Variants in OTULIN observed in about 807,000 individuals in gnomAD.
OTULIN encodes the protein ubiquitin thioesterase otulin.
Under a neutral mutation model 39.6 loss-of-function variants are expected in OTULIN, and 15 were observed. That is an observed-to-expected ratio of 0.38 (90% CI 0.25 to 0.58). The LOEUF (loss-of-function observed/expected upper bound fraction) is 0.58, where lower values mean the gene tolerates loss of function less well. Ranked by LOEUF, OTULIN falls within the 20% of genes least tolerant of loss-of-function variation. The pLI is 0.66. For synonymous variants in OTULIN, 156 were observed against 170.3 expected, an observed-to-expected ratio of 0.92 and a Z score of 0.65; for missense variants, 319 against 445.9, an observed-to-expected ratio of 0.72 and a Z score of 2.56.
intron 1 of OTULIN, among the ~76,000 whole-genome samples, chr5:14,665,931 G>C (rs1180674794): frequency 6.6e-6 from 1 of 152,186 alleles, no homozygotes; most frequent in Non-Finnish European, 1.5e-5. Context: ...ATGGCCACTG[G>C]AAAATAAGAT....
intron 3 of OTULIN, among the ~76,000 whole-genome samples, chr5:14,680,096 T>G (rs545904744): frequency 2.6e-5 from 4 of 152,234 alleles, no homozygotes; most frequent in Non-Finnish European, 4.4e-5. Context: ...TTTAATTTTA[T>G]TCTGAAATAG....
intron 5 of OTULIN, 66 bp downstream of exon 5, chr5:14,687,712 C>A: frequency 6.7e-7 from 1 of 1,493,660 alleles, no homozygotes. Flanking sequence ...CCCAGAAGAC[C>A]AGTTTTTAGT....
At chr5:14,701,719 T>G (rs1736799468), downstream of OTULIN, among the ~76,000 whole-genome samples, 1 of 152,004 alleles carries the variant, frequency 6.6e-6, no homozygotes, top group Non-Finnish European at 1.5e-5. Context: ...GGAGTCCCCG[T>G]TTGGTGTGGC....
intron 3 of OTULIN, among the ~76,000 whole-genome samples, chr5:14,680,698 C>T (rs1736223991): frequency 6.6e-6 from 1 of 152,142 alleles, no homozygotes; most frequent in Admixed American, 6.5e-5. Flanking sequence ...TTTGAGTGCC[C>T]AAGCATGTCA....
At chr5:14,668,189 A>AT (rs1454334082) in intron 1 of OTULIN, among the ~76,000 whole-genome samples, 1 of 152,064 alleles carries the variant, frequency 6.6e-6, no homozygotes, top group Non-Finnish European at 1.5e-5. Context: ...TTGTGGATGT[A>AT]TTTTCTGCCC....
At chr5:14,677,086 C>T (rs773738425) in intron 2 of OTULIN, among the ~76,000 whole-genome samples, 4 of 152,106 alleles carry the variant, frequency 2.6e-5, no homozygotes, top group Admixed American at 6.5e-5. Flanking sequence ...AAAGAATTCA[C>T]AGTGAGATTA....
intron 2 of OTULIN, 106 bp from the exon 3 acceptor site, chr5:14,678,575 C>A (rs189038217): frequency 5.1e-6 from 4 of 784,160 alleles, no homozygotes; most frequent in Non-Finnish European, 7.9e-6. Context: ...GATTTTTTGA[C>A]GTGAAGAAAG....
the OTULIN span, among the ~76,000 whole-genome samples, chr5:14,713,337 G>C: frequency 2.0e-5 from 3 of 152,204 alleles, no homozygotes; most frequent in Non-Finnish European, 1.5e-5. The surrounding 1 kb of genome is among the most constrained non-coding windows in gnomAD (Gnocchi z 4.4). Context: ...GCTATTATTC[G>C]TGTCTGGGCC....
At chr5:14,704,506 G>C (rs1276293591), downstream of OTULIN, among the ~76,000 whole-genome samples, 1 of 152,140 alleles carries the variant, frequency 6.6e-6, no homozygotes, top group African/African-American at 2.4e-5. Context: ...GTATAGAGAA[G>C]TTGGAGAGGG....
intron 4 of OTULIN, among the ~76,000 whole-genome samples, chr5:14,684,025 G>A (rs1736323902): frequency 6.6e-6 from 1 of 152,160 alleles, no homozygotes; most frequent in Non-Finnish European, 1.5e-5. Flanking sequence ...CTTAATTTGA[G>A]TAATGTGAAA....
At chr5:14,687,494 T>A (rs772054770) in intron 4 of OTULIN, 27 bp from the exon 5 acceptor site, 1 of 1,606,330 alleles carries the variant, frequency 6.2e-7, no homozygotes, top group South Asian at 1.1e-5. Flanking sequence ...TAACACTTCT[T>A]TATCTCTTTG....
intron 1 of OTULIN, among the ~76,000 whole-genome samples, chr5:14,672,695 A>G (rs1035872353): frequency 6.6e-6 from 1 of 152,130 alleles, no homozygotes; most frequent in African/African-American, 2.4e-5. Flanking sequence ...TGATGCCTCC[A>G]GTTCCTGAGC....
In OTULIN at chr5:14,667,682, A is replaced by G. The variant is rs147932211; in HGVS notation, c.152+2705A>G. Among the ~76,000 whole-genome samples the G allele has an allele frequency of 5.7e-3, 860 of 152,102 alleles. 2 individuals carry two copies. The highest frequency in any genetic ancestry group is 8.2e-3 in the Non-Finnish European group (557 of 67,980). On this transcript the variant is annotated intron_variant, in intron 1 of 6. Coordinates refer to ENST00000284274, the MANE Select transcript of OTULIN (RefSeq NM_138348.6). Reference sequence around the variant, plus strand: ...GAGCCACAGTGCCCAGTGATGAACTACTTTGTATATCTCATTGCAGTTTTT... The same window carrying G: ...GAGCCACAGTGCCCAGTGATGAACTGCTTTGTATATCTCATTGCAGTTTTT...
At position 14,692,227 on chromosome 5, in the gene OTULIN, A is replaced by G. The variant is rs1008106316; in HGVS notation, c.865-627A>G. On this transcript the variant is annotated intron_variant, in intron 6 of 6. Transcript: ENST00000284274. ...TGTCCTGTTTCACCATATCTTCACC[A>G]ACACTTCTGACTTTTTGTATTGGGG... 2.0e-5 allele frequency among the ~76,000 whole-genome samples: 3 copies of G among 152,236 alleles called. No individual in the cohort carries two copies. In the East Asian group the frequency reaches 5.8e-4, roughly 29 times the overall value.
chr5:14,713,597 A>G, the OTULIN span: 1 of 1,614,236 alleles, frequency 6.2e-7, no homozygotes, highest in South Asian at 1.1e-5. The surrounding 1 kb of genome is among the most constrained non-coding windows in gnomAD (Gnocchi z 4.4). Flanking sequence ...TCCGCAGCAC[A>G]GAGCTGGGGG....
At chr5:14,705,526 A>G in the OTULIN span, 2 of 152,244 alleles carry the variant, frequency 1.3e-5, no homozygotes, top group East Asian at 3.8e-4. Flanking sequence ...TCTTAAATGA[A>G]TGAGTGTCGG....
At chr5:14,688,161 C>G (rs149940176) in intron 5 of OTULIN, among the ~76,000 whole-genome samples, 1 of 152,172 alleles carries the variant, frequency 6.6e-6, no homozygotes, top group East Asian at 1.9e-4. Flanking sequence ...CTTCTGATTC[C>G]TATTGATTTG....
chr5:14,700,299 A>T (rs1010843054), downstream of OTULIN, among the ~76,000 whole-genome samples: 1 of 152,188 alleles, frequency 6.6e-6, no homozygotes, highest in African/African-American at 2.4e-5. Context: ...CACTCAGAGT[A>T]TTTTAGTTCA....
chr5:14,685,226 A>G (rs924990840), intron 4 of OTULIN, among the ~76,000 whole-genome samples: 4 of 152,198 alleles, frequency 2.6e-5, no homozygotes, highest in Admixed American at 6.5e-5. Flanking sequence ...GGGATGACAC[A>G]TTTTTATTAT....
Sources: gnomAD v4.1 joint callset for allele counts (sites outside exome capture counted in the v4.1 genomes callset) on GRCh38, gnomAD v4.1.1 for gene constraint, Gnocchi (gnomAD v3.1) non-coding constraint, MANE v1.5 for transcripts, NCBI Gene and HGNC (gene_info 2026-07-23, HGNC 2026-07-21) for gene names.